The following SASH1 variants were observed in gnomAD, a reference collection of about 807,000 sequenced individuals.
The protein encoded by SASH1 is SAM and SH3 domain containing 1.
SASH1 carries 44 observed loss-of-function variants against 125.2 expected under a neutral mutation model. The ratio of observed to expected loss-of-function variants is 0.35; its 90% CI spans 0.28 to 0.45. SASH1 has a LOEUF of 0.45. SASH1 is among the 20% of genes least tolerant of loss of function. SASH1 has a pLI of 1.00. For synonymous variants in SASH1, 639 were observed against 649.1 expected, an observed-to-expected ratio of 0.98 and a Z score of 0.24; for missense variants, 1,426 against 1,614.5, an observed-to-expected ratio of 0.88 and a Z score of 2.00.
the SASH1 span, among the ~76,000 whole-genome samples, chr6:148,263,961 A>C: frequency 3.9e-5 from 6 of 152,124 alleles, no homozygotes; most frequent in Non-Finnish European, 7.4e-5. Flanking sequence ...TGAAAGTAAC[A>C]CTTGTACGAC....
the SASH1 span, among the ~76,000 whole-genome samples, chr6:148,233,675 G>T: frequency 6.9e-6 from 1 of 145,660 alleles, no homozygotes; most frequent in African/African-American, 2.5e-5. Flanking sequence ...AGGGAGGATT[G>T]CTTGAGGTCA....
intron 1 of SASH1, among the ~76,000 whole-genome samples, chr6:148,307,320 G>A (rs996587284): frequency 5.3e-5 from 8 of 151,834 alleles, no homozygotes; most frequent in African/African-American, 1.9e-4. Context: ...GTTTCGCCAT[G>A]TTGGTCAGGC....
At chr6:148,537,565 G>A (rs912600434) in intron 16 of SASH1, among the ~76,000 whole-genome samples, 13 of 151,864 alleles carry the variant, frequency 8.6e-5, no homozygotes, top group African/African-American at 3.1e-4. Context: ...ACAAACATAT[G>A]CATGCACATG....
intron 11 of SASH1, among the ~76,000 whole-genome samples, chr6:148,526,472 C>T (rs1385921587): frequency 6.6e-6 from 1 of 152,124 alleles, no homozygotes; most frequent in African/African-American, 2.4e-5. Context: ...CTAAAATACC[C>T]ACCTGGGATA....
At chr6:148,518,671 C>A (rs540891900) in intron 9 of SASH1, among the ~76,000 whole-genome samples, 1 of 152,278 alleles carries the variant, frequency 6.6e-6, no homozygotes, top group East Asian at 1.9e-4. Flanking sequence ...AGGGACACAG[C>A]CAGTTGGGAT....
chr6:148,415,778 T>C (rs888595790), intron 2 of SASH1, among the ~76,000 whole-genome samples: 2 of 152,198 alleles, frequency 1.3e-5, no homozygotes, highest in African/African-American at 4.8e-5. Context: ...GCTCTGTCAT[T>C]GGAGTTTAAC....
At chr6:148,517,213 C>T (rs1260385243) in intron 9 of SASH1, among the ~76,000 whole-genome samples, 2 of 152,154 alleles carry the variant, frequency 1.3e-5, no homozygotes, top group African/African-American at 4.8e-5. Context: ...GGCATTATTA[C>T]AGATGAGGAA....
rs1782807729 is a variant in SASH1 at position 148,550,134 on chromosome 6, G to GTGTC, written c.*1579_*1582dup. The GTGTC allele has an allele frequency of 6.6e-6, 1 of 152,158 alleles. No individual in the cohort carries two copies. Among genetic ancestry groups the GTGTC allele is most frequent in the Non-Finnish European group, 1.5e-5 (1 of 68,038 alleles). 9.4% of individuals were successfully genotyped at this position (152,158 alleles called of 1,614,324 possible). A position where few individuals can be genotyped will look rare whatever the true frequency, so the allele number is the denominator to read the frequency against. On this transcript the variant is annotated 3_prime_UTR_variant, in exon 20 of 20. Coordinates refer to ENST00000367467, the MANE Select transcript of SASH1 (RefSeq NM_015278.5). ...CTGGCCTCTGTCCTCTTTTAGTCTAGTGTCTGGTTTTCTAGCAAACAGTAA... is the reference window on the plus strand; with the variant it reads ...CTGGCCTCTGTCCTCTTTTAGTCTAGTGTCTGTCTGGTTTTCTAGCAAACAGTAA...
intron 1 of SASH1, among the ~76,000 whole-genome samples, chr6:148,377,443 A>T (rs970520338): frequency 2.0e-5 from 3 of 152,334 alleles, no homozygotes; most frequent in Admixed American, 6.5e-5. Flanking sequence ...CATTGAACCC[A>T]GGAACTTTCC....
chr6:148,290,276 T>A (rs933612467), intron 1 of SASH1, among the ~76,000 whole-genome samples: 7 of 151,856 alleles, frequency 4.6e-5, no homozygotes, highest in African/African-American at 1.7e-4. Flanking sequence ...TGAGGAAAAT[T>A]TCTCTTCTCT....
At chr6:148,270,699 G>A (rs1223515506), upstream of SASH1, among the ~76,000 whole-genome samples, 2 of 152,048 alleles carry the variant, frequency 1.3e-5, no homozygotes, top group South Asian at 4.2e-4. Context: ...AAACAAAAAG[G>A]CTCTTACCTT....
chr6:148,315,644 C>T (rs1156654599), intron 1 of SASH1, among the ~76,000 whole-genome samples: 1 of 152,188 alleles, frequency 6.6e-6, no homozygotes, highest in African/African-American at 2.4e-5. Context: ...TGGCTCCTGC[C>T]TGTAATCTCA....
intron 1 of SASH1, among the ~76,000 whole-genome samples, chr6:148,286,364 G>A (rs1381857028): frequency 6.6e-6 from 1 of 151,238 alleles, no homozygotes; most frequent in Non-Finnish European, 1.5e-5. Flanking sequence ...TGGTGCCACC[G>A]CACTCCGGCC....
chr6:148,277,358 G>A (rs1023404398), intron 1 of SASH1, among the ~76,000 whole-genome samples: 1 of 152,174 alleles, frequency 6.6e-6, no homozygotes, highest in Non-Finnish European at 1.5e-5. Flanking sequence ...AGTTAGAATG[G>A]TAGAATTGCA....
At chr6:148,482,427 A>G (rs779823827) in intron 7 of SASH1, among the ~76,000 whole-genome samples, 1 of 152,234 alleles carries the variant, frequency 6.6e-6, no homozygotes, top group Non-Finnish European at 1.5e-5. Flanking sequence ...CAACAAGACC[A>G]TATCTGTGTG....
chr6:148,529,918 C>G lies in SASH1; in HGVS notation c.1429-1608C>G, dbSNP rs1052088696. Among the ~76,000 whole-genome samples the G allele has an allele frequency of 3.3e-5, 5 of 151,956 alleles. No homozygotes were observed. The highest frequency in any genetic ancestry group is 1.2e-4 in the African/African-American group (5 of 41,342). Reference sequence around the variant, plus strand: ...GCCTCCTGGGTTCAAGCGATTCTCCCACCTCAGCCTCTTGAGTAGCTGGGA... The same window carrying G: ...GCCTCCTGGGTTCAAGCGATTCTCCGACCTCAGCCTCTTGAGTAGCTGGGA... On this transcript the variant is annotated intron_variant, in intron 12 of 19. Transcript: ENST00000367467. This position sits in a 1 kb window ranked among gnomAD's most constrained non-coding sequence, Gnocchi z 4.2.
At chr6:148,281,632 A>G (rs1276061410) in intron 1 of SASH1, among the ~76,000 whole-genome samples, 3 of 152,124 alleles carry the variant, frequency 2.0e-5, no homozygotes, top group African/African-American at 7.2e-5. Flanking sequence ...TTTTAAAAAG[A>G]AAATTCCAGG....
the SASH1 span, among the ~76,000 whole-genome samples, chr6:148,218,161 T>A: frequency 6.6e-6 from 1 of 152,068 alleles, no homozygotes; most frequent in Non-Finnish European, 1.5e-5. Flanking sequence ...GCATACACTC[T>A]GCTTAAAAGT....
intron 19 of SASH1, among the ~76,000 whole-genome samples, chr6:148,547,461 A>G (rs1444742253): frequency 2.0e-5 from 3 of 152,174 alleles, no homozygotes; most frequent in Non-Finnish European, 4.4e-5. Context: ...CAGGCTGTAG[A>G]AAGCAAAACC....
Sources: gnomAD v4.1 joint callset for allele counts (sites outside exome capture counted in the v4.1 genomes callset) on GRCh38, gnomAD v4.1.1 for gene constraint, Gnocchi (gnomAD v3.1) non-coding constraint, MANE v1.5 for transcripts, NCBI Gene and HGNC (gene_info 2026-07-23, HGNC 2026-07-21) for gene names.